RALGAPA1: variants seen among roughly 807,000 people sequenced by gnomAD.
RALGAPA1 encodes ral GTPase-activating protein subunit alpha-1.
A neutral mutation model predicts 269.6 loss-of-function variants in RALGAPA1; 52 were observed. That is an observed-to-expected ratio of 0.19 (90% confidence interval 0.15 to 0.24). The LOEUF is 0.24. Ranked by LOEUF, RALGAPA1 falls within the 10% of genes least tolerant of loss-of-function variation. The probability of loss-of-function intolerance (pLI) is 1.00; values close to 1 mark genes in which losing one functional copy is unlikely to be tolerated. For missense variants in RALGAPA1, 1,917 were observed against 3,013.9 expected (o/e 0.64, Z 8.52); for synonymous variants, 817 against 1,008.3 (o/e 0.81, Z 3.60).
At chr14:35,559,429 G>C (rs1432205707) in intron 39 of RALGAPA1, among the ~76,000 whole-genome samples, 1 of 152,082 alleles carries the variant, frequency 6.6e-6, no homozygotes, top group Non-Finnish European at 1.5e-5. Flanking sequence ...AGTAGGTGTG[G>C]TGAACAATAA....
chr14:35,808,815 G>T lies in RALGAPA1; in HGVS notation c.21C>A (p.His7Gln). 1 of 1,611,362 alleles carries T rather than the reference G, an allele frequency of 6.2e-7. No homozygotes were observed. Among genetic ancestry groups the T allele is most frequent in the South Asian group, 1.1e-5 (1 of 90,560 alleles). MFSKKP[H>Q]GDVKKSTQKV... ...TCTGGGTGGACTTCTTCACGTCCCCGTGCGGCTTCTTGGAGAACATCCTGT... is the reference window on the plus strand; with the variant it reads ...TCTGGGTGGACTTCTTCACGTCCCCTTGCGGCTTCTTGGAGAACATCCTGT... Residue 7 changes from histidine (H) to glutamine (Q), a missense_variant, in exon 1 of 42, where the codon CAC (histidine) becomes CAA (glutamine). Coordinates refer to ENST00000680220, the MANE Select transcript of RALGAPA1 (RefSeq NM_001346249.2).
rs200634096 is a variant in RALGAPA1, at chr14:35,565,293, ACAT to A, written c.7496+5321_7496+5323del. The stretch of plus-strand genomic sequence containing the variant: ...GTCATGGGACCCAGTTTTTGGTCAA[ACAT>A]CAGTCTAGATGCTACTGTTATATTT... On this transcript the variant is annotated intron_variant, in intron 39 of 41. Transcript: ENST00000680220. Among the ~76,000 whole-genome samples, 1,389 of 150,394 alleles carry A rather than the reference ACAT, an allele frequency of 9.2e-3. 27 individuals are homozygous for A. Among genetic ancestry groups the A allele is most frequent in the African/African-American group, 0.032 (1,329 of 41,248 alleles).
intron 39 of RALGAPA1, among the ~76,000 whole-genome samples, chr14:35,550,563 C>CTAATT (rs2054902257): frequency 6.6e-6 from 1 of 151,762 alleles, no homozygotes; most frequent in Non-Finnish European, 1.5e-5. Flanking sequence ...ATGGGAGATA[C>CTAATT]CATGGCCAGT....
In RALGAPA1 at chr14:35,651,823, A is replaced by G. The variant is rs2062844602; in HGVS notation, c.5658T>C (p.Ser1886=). 6.2e-7 allele frequency: 1 copy of G among 1,600,488 alleles called. No homozygotes were observed. The highest frequency in any genetic ancestry group is 1.3e-5 in the African/African-American group (1 of 74,258). ...THLLPSTEAS[S]YEMDKRLVVS... ...AAATTACCCTCTTGTCCATTTCATA[A>G]GATGAAGCCTCTGTACTTGGTAAAA... Residue 1886 remains serine (S), a synonymous_variant, in exon 31 of 42, where the codon TCT becomes TCC. Transcript: ENST00000680220.
chr14:35,796,569 A>G (rs1234774139), intron 1 of RALGAPA1, among the ~76,000 whole-genome samples: 3 of 152,154 alleles, frequency 2.0e-5, no homozygotes, highest in Admixed American at 1.3e-4. Flanking sequence ...AAAATAACTA[A>G]CCAAGGCATA....
intron 14 of RALGAPA1, chr14:35,723,562 T>C (rs2069628696): frequency 5.5e-6 from 1 of 180,950 alleles, no homozygotes; most frequent in Non-Finnish European, 1.1e-5. Flanking sequence ...ATTTAAAAAA[T>C]AGTCTCCATA....
At chr14:35,615,672 C>G (rs1233773245) in intron 35 of RALGAPA1, among the ~76,000 whole-genome samples, 1 of 152,096 alleles carries the variant, frequency 6.6e-6, no homozygotes, top group African/African-American at 2.4e-5. Flanking sequence ...GTCTCCCCTT[C>G]AAGGTATGCA....
intron 1 of RALGAPA1, among the ~76,000 whole-genome samples, chr14:35,781,027 A>C (rs2075386624): frequency 6.6e-6 from 1 of 152,162 alleles, no homozygotes; most frequent in Admixed American, 6.6e-5. Flanking sequence ...ATTAGAAAGG[A>C]CATAAAAGAA....
In RALGAPA1 at chr14:35,572,510, C is replaced by T. The variant is rs776219038; in HGVS notation, c.7368+50G>A. On this transcript the variant is annotated intron_variant, in intron 38 of 41. Coordinates refer to ENST00000680220, the MANE Select transcript of RALGAPA1 (RefSeq NM_001346249.2). ...GTAACATGGAAAGAAACCCATGAAC[C>T]CCTATAGAACCAAAATCTATTACTA... 5.6e-6 allele frequency: 8 copies of T among 1,430,330 alleles called. No individual in the cohort carries two copies. In the East Asian group the frequency reaches 1.9e-4, roughly 34 times the overall value. The allele number at this position is 1,430,330 out of a possible 1,614,324, so 88.6% of individuals were successfully genotyped here.
intron 1 of RALGAPA1, among the ~76,000 whole-genome samples, chr14:35,786,694 T>C (rs1290702657): frequency 6.6e-6 from 1 of 152,042 alleles, no homozygotes; most frequent in Non-Finnish European, 1.5e-5. Context: ...TCACAAACAC[T>C]AGTTCTTTTC....
intron 25 of RALGAPA1, among the ~76,000 whole-genome samples, chr14:35,672,100 C>G (rs930514564): frequency 1.3e-5 from 2 of 152,138 alleles, no homozygotes; most frequent in African/African-American, 4.8e-5. Context: ...TTATCTTAAA[C>G]AAAAGCTCTC....
chr14:35,553,822 C>T (rs1314456823), intron 39 of RALGAPA1, among the ~76,000 whole-genome samples: 1 of 152,084 alleles, frequency 6.6e-6, no homozygotes, highest in African/African-American at 2.4e-5. Context: ...CAAGAAAAAA[C>T]GATTGGCTCA....
intron 31 of RALGAPA1, among the ~76,000 whole-genome samples, chr14:35,650,069 G>A (rs1011976382): frequency 6.6e-6 from 1 of 152,110 alleles, no homozygotes; most frequent in Non-Finnish European, 1.5e-5. Flanking sequence ...CTAAAGCGAA[G>A]GATTCTTGGC....
intron 35 of RALGAPA1, among the ~76,000 whole-genome samples, chr14:35,610,976 A>G (rs915991942): frequency 6.6e-6 from 1 of 152,214 alleles, no homozygotes; most frequent in African/African-American, 2.4e-5. Flanking sequence ...GAAAGAAATT[A>G]AAGATCTACA....
chr14:35,659,155 C>T lies in RALGAPA1; in HGVS notation c.5370G>A (p.Glu1790=), dbSNP rs768687462. 1 of 1,611,052 alleles carries T rather than the reference C, an allele frequency of 6.2e-7. No individual in the cohort carries two copies. The highest frequency in any genetic ancestry group is 8.5e-7 in the Non-Finnish European group (1 of 1,178,358). ...IKTVLSSARD[E]PSGPARCVAL... is the part of the protein sequence containing the mutation. ...CGACCTACCGTGCAGGACCAGAGGG[C>T]TCATCTCTTGCCGAGCTTAATACAG... is the stretch of plus-strand genomic sequence containing the variant. The change falls in exon 28 of 42, where the codon GAG becomes GAA. Residue 1790 remains glutamate (E), a synonymous_variant. Coordinates refer to ENST00000680220, the MANE Select transcript of RALGAPA1 (RefSeq NM_001346249.2).
intron 25 of RALGAPA1, among the ~76,000 whole-genome samples, chr14:35,672,567 A>G (rs2064560504): frequency 6.6e-6 from 1 of 152,120 alleles, no homozygotes; most frequent in Non-Finnish European, 1.5e-5. Flanking sequence ...GAATATTATT[A>G]AAGAAAGGTA....
chr14:35,587,321 A>G (rs1028880016), intron 37 of RALGAPA1, among the ~76,000 whole-genome samples: 2 of 152,192 alleles, frequency 1.3e-5, no homozygotes, highest in Admixed American at 6.5e-5. Flanking sequence ...CGATTCCTCA[A>G]GGATCTAGAA....
In RALGAPA1 at chr14:35,738,602, T is replaced by C. The variant is rs1467159429; in HGVS notation, c.1498A>G (p.Lys500Glu). 7 of 1,613,570 alleles carry C rather than the reference T, an allele frequency of 4.3e-6. No individual in the cohort carries two copies. Among genetic ancestry groups the C allele is most frequent in the Admixed American group, 1.7e-5 (1 of 59,916 alleles). Residue 500 changes from lysine (K) to glutamate (E), a missense_variant, in exon 12 of 42, where the codon AAA (lysine) becomes GAA (glutamate). By Grantham distance (56) the Lys-to-Glu change is moderately conservative. Coordinates refer to ENST00000680220, the MANE Select transcript of RALGAPA1 (RefSeq NM_001346249.2). ...ADHVRNSSWAKNGSYQGALHN... is the reference protein window; with the variant it reads ...ADHVRNSSWAENGSYQGALHN... ...AGAGCACCTTGGTAGGAGCCGTTTT[T>C]TGCCCAACTGGAATTTCGAACATGA...
intron 31 of RALGAPA1, among the ~76,000 whole-genome samples, chr14:35,651,596 T>G (rs2062831309): frequency 6.6e-6 from 1 of 152,174 alleles, no homozygotes; most frequent in Non-Finnish European, 1.5e-5. Context: ...CTTACAATCT[T>G]GAGACTCAAA....
Sources: gnomAD v4.1 joint callset for allele counts (sites outside exome capture counted in the v4.1 genomes callset) on GRCh38, gnomAD v4.1.1 for gene constraint, MANE v1.5 for transcripts, NCBI Gene and HGNC (gene_info 2026-07-23, HGNC 2026-07-21) for gene names.